Variants in KALRN observed in about 807,000 individuals in gnomAD.
The protein encoded by KALRN is kalirin RhoGEF kinase.
Under a neutral mutation model 353.7 loss-of-function variants are expected in KALRN, and 70 were observed. The observed-to-expected ratio is 0.20, with a 90% confidence interval of 0.16 to 0.24. The LOEUF (loss-of-function observed/expected upper bound fraction) is 0.24, where lower values mean the gene tolerates loss of function less well. Ranked by LOEUF, KALRN falls within the 10% of genes least tolerant of loss-of-function variation. The pLI is 1.00. For missense variants in KALRN, 2,791 were observed against 3,756.7 expected (o/e 0.74, Z 6.72); for synonymous variants, 1,391 against 1,434.8 (o/e 0.97, Z 0.69).
intron 10 of KALRN, among the ~76,000 whole-genome samples, chr3:124,383,882 A>C (rs1560754711): frequency 6.6e-6 from 1 of 151,730 alleles, no homozygotes; most frequent in Non-Finnish European, 1.5e-5. Flanking sequence ...TCAATTCTCC[A>C]CTCACTTTGT....
At chr3:124,437,625 G>A (rs1451752780) in intron 17 of KALRN, among the ~76,000 whole-genome samples, 1 of 140,576 alleles carries the variant, frequency 7.1e-6, no homozygotes, top group African/African-American at 2.6e-5. Flanking sequence ...GGGAGGCAGA[G>A]GTTGCATTGA....
At chr3:124,342,560 T>C (rs181521254) in intron 9 of KALRN, among the ~76,000 whole-genome samples, 6 of 152,334 alleles carry the variant, frequency 3.9e-5, no homozygotes, top group East Asian at 3.9e-4. Context: ...CAGTCATCCA[T>C]TGATGGGCAC....
At chr3:124,166,763 G>C (rs1458614339) in intron 1 of KALRN, among the ~76,000 whole-genome samples, 1 of 152,146 alleles carries the variant, frequency 6.6e-6, no homozygotes, top group East Asian at 1.9e-4. Flanking sequence ...GGAGGGCCCG[G>C]CGTGGTGGCT....
intron 38 of KALRN, among the ~76,000 whole-genome samples, chr3:124,651,830 G>A (rs886338330): frequency 6.6e-6 from 1 of 151,896 alleles, no homozygotes; most frequent in African/African-American, 2.4e-5. Flanking sequence ...TAGAGATGGA[G>A]TCTTGCTTGG....
rs2093856828 is a variant in KALRN at position 124,446,861 on chromosome 3, T to C, written c.3528T>C (p.Tyr1176=). Residue 1176 remains tyrosine, a synonymous_variant, in exon 21 of 60, where the codon TAT becomes TAC. Coordinates refer to ENST00000682506, the MANE Select transcript of KALRN (RefSeq NM_001388419.1). The part of the protein sequence containing the change: ...TEETQELLKE[Y]GEFRVPAKQT... Reference sequence around the variant, plus strand: ...AGACTCAGGAACTGCTGAAAGAATATGGGGAATTCAGGGTGCCTGCCAAGG... The same window carrying C: ...AGACTCAGGAACTGCTGAAAGAATACGGGGAATTCAGGGTGCCTGCCAAGG... 1 of 1,614,060 alleles carries C rather than the reference T, an allele frequency of 6.2e-7. No individual in the cohort carries two copies. The highest frequency in any genetic ancestry group is 1.7e-4 in the Middle Eastern group (1 of 6,060).
intron 35 of KALRN, 87 bp downstream of exon 35, chr3:124,632,790 A>G: frequency 8.1e-7 from 1 of 1,236,714 alleles, no homozygotes; most frequent in Non-Finnish European, 1.2e-6. Context: ...GGCCATCTCA[A>G]ATCTCCATTA....
intron 48 of KALRN, among the ~76,000 whole-genome samples, chr3:124,673,516 A>G (rs1338634645): frequency 3.3e-5 from 5 of 151,126 alleles, no homozygotes; most frequent in African/African-American, 1.2e-4. Context: ...ATGTATATAC[A>G]TATAGAATAT....
At chr3:124,159,547 C>T (rs550403874) in intron 1 of KALRN, among the ~76,000 whole-genome samples, 1 of 149,490 alleles carries the variant, frequency 6.7e-6, no homozygotes, top group Admixed American at 6.7e-5. Flanking sequence ...GCTGGGATTA[C>T]AGGCATGAGC....
chr3:124,681,455 A>G (rs150998557), intron 51 of KALRN, among the ~76,000 whole-genome samples: 13 of 152,286 alleles, frequency 8.5e-5, no homozygotes, highest in Non-Finnish European at 1.0e-4. Context: ...GTGTTGATGC[A>G]TGTCCGAAAA....
At chr3:124,421,758 T>G (rs1025407698) in intron 14 of KALRN, among the ~76,000 whole-genome samples, 1 of 152,212 alleles carries the variant, frequency 6.6e-6, no homozygotes, top group Non-Finnish European at 1.5e-5. Context: ...AGGCAGAAAT[T>G]TATTTGATGA....
chr3:124,508,872 A>C (rs1398980185), intron 33 of KALRN, among the ~76,000 whole-genome samples: 2 of 152,170 alleles, frequency 1.3e-5, no homozygotes, highest in Non-Finnish European at 2.9e-5. Flanking sequence ...ATTGATATCT[A>C]CTTATGGCTT....
In KALRN at chr3:124,326,090, G is replaced by A; in HGVS notation, c.1203G>A (p.Glu401=). Residue 401 remains glutamate (E), a synonymous_variant, in exon 7 of 60, where the codon GAG becomes GAA. Coordinates refer to ENST00000682506, the MANE Select transcript of KALRN (RefSeq NM_001388419.1). ...AGATCTCCACCCAGCTGGACCAGGAGTGGAAGAGCTTCGCTGCTGCCCTGG... is the reference window on the plus strand; with the variant it reads ...AGATCTCCACCCAGCTGGACCAGGAATGGAAGAGCTTCGCTGCTGCCCTGG... ...IKQISTQLDQ[E]WKSFAAALDE... 6.2e-7 allele frequency: 1 copy of A among 1,613,978 alleles called. No homozygotes were observed. The highest frequency in any genetic ancestry group is 8.5e-7 in the Non-Finnish European group (1 of 1,179,924).
At chr3:124,573,629 A>G (rs2073789175) in intron 34 of KALRN, among the ~76,000 whole-genome samples, 1 of 152,058 alleles carries the variant, frequency 6.6e-6, no homozygotes, top group African/African-American at 2.4e-5. Context: ...AGCAACCCCC[A>G]AGTAGCTGGG....
In KALRN at chr3:124,404,341, G is replaced by C. The variant is rs74793754; in HGVS notation, c.2346+5470G>C. Among the ~76,000 whole-genome samples the C allele has an allele frequency of 2.0e-5, 3 of 152,094 alleles. No homozygotes were observed. The East Asian group carries it at 5.8e-4, about 29-fold the overall frequency. ...TTTCTCCTTAGTGTCAGCCCTCTATGGTATATATCCTCTATTTTATTCACC... is the reference window on the plus strand; with the variant it reads ...TTTCTCCTTAGTGTCAGCCCTCTATCGTATATATCCTCTATTTTATTCACC... On this transcript the variant is annotated intron_variant, in intron 13 of 59. Coordinates refer to ENST00000682506, the MANE Select transcript of KALRN (RefSeq NM_001388419.1).
chr3:124,147,902 T>G (rs1037978003), intron 1 of KALRN, among the ~76,000 whole-genome samples: 3 of 152,220 alleles, frequency 2.0e-5, no homozygotes, highest in African/African-American at 7.2e-5. Context: ...GATCCTCAGA[T>G]GTTTTTTGGA....
chr3:124,246,783 T>G (rs1481051703), intron 3 of KALRN, among the ~76,000 whole-genome samples: 1 of 152,152 alleles, frequency 6.6e-6, no homozygotes, highest in African/African-American at 2.4e-5. Context: ...TGAAATAAGA[T>G]CCAATGCATT....
At chr3:124,495,374 A>T (rs1439063481) in intron 32 of KALRN, among the ~76,000 whole-genome samples, 1 of 152,200 alleles carries the variant, frequency 6.6e-6, no homozygotes, top group African/African-American at 2.4e-5. Flanking sequence ...GGAATTTCCC[A>T]AAGTTAATAT....
chr3:124,118,103 G>A (rs1210832996), intron 1 of KALRN, among the ~76,000 whole-genome samples: 1 of 152,206 alleles, frequency 6.6e-6, no homozygotes, highest in Non-Finnish European at 1.5e-5. Flanking sequence ...GGGCTGGCAT[G>A]GAGGTAGGCA....
At chr3:124,559,072 A>G (rs1284809351) in intron 33 of KALRN, among the ~76,000 whole-genome samples, 1 of 152,252 alleles carries the variant, frequency 6.6e-6, no homozygotes, top group Non-Finnish European at 1.5e-5. Context: ...GAACGTGAGA[A>G]CTTTGAAAAT....
Sources: gnomAD v4.1 joint callset for allele counts (sites outside exome capture counted in the v4.1 genomes callset) on GRCh38, gnomAD v4.1.1 for gene constraint, MANE v1.5 for transcripts, NCBI Gene and HGNC (gene_info 2026-07-23, HGNC 2026-07-21) for gene names.